Variants in PLEKHA6 observed in about 807,000 individuals in gnomAD.
PLEKHA6 encodes the protein pleckstrin homology domain-containing family A member 6.
PLEKHA6 carries 60 observed loss-of-function variants against 116.7 expected under a neutral mutation model. The ratio of observed to expected loss-of-function variants is 0.51; its 90% CI spans 0.42 to 0.64. The LOEUF (loss-of-function observed/expected upper bound fraction) is 0.64, where lower values mean the gene tolerates loss of function less well. Ranked by LOEUF, PLEKHA6 falls within the 30% of genes least tolerant of loss-of-function variation. The pLI, the probability that PLEKHA6 is intolerant of heterozygous loss-of-function variation, is 0.00. For missense variants in PLEKHA6, 1,338 were observed against 1,422.7 expected (o/e 0.94, Z 0.96); for synonymous variants, 489 against 556.1 (o/e 0.88, Z 1.70).
intron 1 of PLEKHA6, among the ~76,000 whole-genome samples, chr1:204,324,606 AGGGAT>A (rs1357554068): frequency 1.3e-4 from 20 of 152,248 alleles, no homozygotes; most frequent in African/African-American, 4.6e-4. Context: ...CTTATCTGAG[AGGGAT>A]ACAATTCAGA....
chr1:204,275,552 T>C lies in PLEKHA6; in HGVS notation c.-94-743A>G, dbSNP rs374944855. 1.3e-4 allele frequency: 28 copies of C among 221,938 alleles called. No individual in the cohort carries two copies. The South Asian group carries it at 4.2e-3, about 33-fold the overall frequency. The allele number at this position is 221,938 out of a possible 1,614,324, so 13.7% of individuals were successfully genotyped here. On this transcript the variant is annotated intron_variant, in intron 1 of 22. Transcript: ENST00000272203. ...AACCCAGGGGTTGGGGGGTGGGGGG[T>C]AGGTGCAGAGGCAGATGGGGAGCAG...
chr1:204,316,423 C>T (rs1368382726), intron 1 of PLEKHA6, among the ~76,000 whole-genome samples: 3 of 152,146 alleles, frequency 2.0e-5, no homozygotes, highest in East Asian at 1.9e-4. Context: ...AATAGGGACA[C>T]GGGAGAAATG....
intron 1 of PLEKHA6, among the ~76,000 whole-genome samples, chr1:204,353,056 G>GT (rs1302148877): frequency 6.6e-6 from 1 of 152,186 alleles, no homozygotes; most frequent in African/African-American, 2.4e-5. Context: ...GGAGCATGCA[G>GT]TAAGTATGTA....
intron 5 of PLEKHA6, among the ~76,000 whole-genome samples, chr1:204,265,881 G>A (rs1484558349): frequency 6.6e-6 from 1 of 152,202 alleles, no homozygotes; most frequent in African/African-American, 2.4e-5. Flanking sequence ...GATCTCCAAA[G>A]GAGCCTGATG....
chr1:204,220,481 A>AGT lies in PLEKHA6; in HGVS notation c.*2305_*2306dup. 2 of 152,784 alleles carry AGT rather than the reference A, an allele frequency of 1.3e-5. No individual in the cohort carries two copies. The highest frequency in any genetic ancestry group is 2.9e-5 in the Non-Finnish European group (2 of 68,038). The allele number at this position is 152,784 out of a possible 1,614,324, so 9.5% of individuals were successfully genotyped here. On this transcript the variant is annotated 3_prime_UTR_variant, in exon 23 of 23. Transcript: ENST00000272203. ...AGGCACAGGGTTGGGACCTAAAGGC[A>AGT]GTTACCCCATCTCCTCACCTCATTT... is the stretch of plus-strand genomic sequence containing the variant.
intron 1 of PLEKHA6, among the ~76,000 whole-genome samples, chr1:204,314,610 A>G (rs574444821): frequency 1.3e-5 from 2 of 152,222 alleles, no homozygotes; most frequent in African/African-American, 2.4e-5. Context: ...CTCAGGTGTC[A>G]GATGAGTATC....
chr1:204,261,530 G>T lies in PLEKHA6; in HGVS notation c.382-82C>A. ...TCACCTGTTGGGAGAAGACACCAAC[G>T]CCCACAGAATGGGCAGTCAGTTGGG... On this transcript the variant is annotated intron_variant, in intron 6 of 22. Transcript: ENST00000272203. This position sits in a 1 kb window ranked among gnomAD's most constrained non-coding sequence, Gnocchi z 4.0. 1.4e-6 allele frequency: 2 copies of T among 1,448,558 alleles called. No individual in the cohort carries two copies. The highest frequency in any genetic ancestry group is 1.4e-5 in the African/African-American group (1 of 70,454). The allele number at this position is 1,448,558 out of a possible 1,614,324, so 89.7% of individuals were successfully genotyped here. A position where few individuals can be genotyped will look rare whatever the true frequency, so the allele number is the denominator to read the frequency against.
At chr1:204,334,499 C>T (rs780587996) in intron 1 of PLEKHA6, among the ~76,000 whole-genome samples, 3 of 152,128 alleles carry the variant, frequency 2.0e-5, no homozygotes, top group Admixed American at 6.5e-5. Flanking sequence ...GGGTAAAATG[C>T]GATGGTTTGA....
chr1:204,263,304 C>T (rs1252887908), intron 6 of PLEKHA6, among the ~76,000 whole-genome samples: 1 of 152,216 alleles, frequency 6.6e-6, no homozygotes. Flanking sequence ...CGGGGCAAAG[C>T]CCCCGGAGCC....
chr1:204,348,795 C>G, intron 1 of PLEKHA6, among the ~76,000 whole-genome samples: 1 of 151,108 alleles, frequency 6.6e-6, no homozygotes, highest in Non-Finnish European at 1.5e-5. Flanking sequence ...TGCTGACTGT[C>G]ATCTCCATTG....
At chr1:204,268,449 T>C (rs751169000) in intron 3 of PLEKHA6, 137 bp from the exon 4 acceptor site, 102 of 446,694 alleles carry the variant, frequency 2.3e-4, no homozygotes, top group Non-Finnish European at 3.6e-4. Context: ...GGCCCAGGTG[T>C]GAATCTTGGA....
Position 204,237,809 on chromosome 1 carries a change from G to A in PLEKHA6, c.2409+3566C>T, listed in dbSNP as rs538511787. Reference sequence around the variant, plus strand: ...AAGACCTTGATCACTTTTTGCTTCCGCAAGATATCACACTGGTTCATTACA... The same window carrying A: ...AAGACCTTGATCACTTTTTGCTTCCACAAGATATCACACTGGTTCATTACA... On this transcript the variant is annotated intron_variant, in intron 17 of 22. Coordinates refer to ENST00000272203, the MANE Select transcript of PLEKHA6 (RefSeq NM_014935.5). 1.6e-4 allele frequency among the ~76,000 whole-genome samples: 24 copies of A among 152,274 alleles called. No individual in the cohort carries two copies. In the South Asian group the frequency reaches 3.1e-3, roughly 20 times the overall value.
At chr1:204,233,568 G>A (rs1045912332) in intron 17 of PLEKHA6, among the ~76,000 whole-genome samples, 11 of 152,084 alleles carry the variant, frequency 7.2e-5, no homozygotes, top group African/African-American at 2.7e-4. Flanking sequence ...GCCTCCCAAA[G>A]TGTTGGGATT....
chr1:204,347,522 C>T (rs544489697), intron 1 of PLEKHA6, among the ~76,000 whole-genome samples: 6 of 150,668 alleles, frequency 4.0e-5, no homozygotes, highest in South Asian at 2.1e-4. Context: ...CCTCGGCTTA[C>T]GAGATGACAG....
intron 1 of PLEKHA6, among the ~76,000 whole-genome samples, chr1:204,333,512 A>G (rs1019456102): frequency 3.9e-5 from 6 of 152,266 alleles, no homozygotes; most frequent in African/African-American, 1.4e-4. Context: ...GCAGCTTCAC[A>G]TAACCCAAAG....
chr1:204,340,646 TTG>T, intron 1 of PLEKHA6, among the ~76,000 whole-genome samples: 1 of 152,296 alleles, frequency 6.6e-6, no homozygotes, highest in Middle Eastern at 3.4e-3. Context: ...AGAGGTCTTT[TTG>T]TGTTCACTCG....
chr1:204,266,243 G>T (rs1666804160), intron 5 of PLEKHA6, among the ~76,000 whole-genome samples: 1 of 152,190 alleles, frequency 6.6e-6, no homozygotes, highest in Non-Finnish European at 1.5e-5. Flanking sequence ...GCTGCCTTCA[G>T]GAGAGCTGAG....
chr1:204,259,739 G>A lies in PLEKHA6; in HGVS notation c.526C>T (p.His176Tyr). ...KSVPQAVRHS[H>Y]EKPDSENVPP... ...ACGTTCTCCGAGTCTGGCTTCTCATGGCTGCAGGATGCCAAGGGAGATGCT... is the reference window on the plus strand; with the variant it reads ...ACGTTCTCCGAGTCTGGCTTCTCATAGCTGCAGGATGCCAAGGGAGATGCT... The change falls in exon 8 of 23, where the codon CAT (histidine) becomes TAT (tyrosine). Residue 176 changes from histidine (H) to tyrosine (Y), a missense_variant and splice_region_variant. Physicochemically the swap from His to Tyr is moderately conservative, Grantham distance 83. Around this residue, in one of 3 missense-constraint regions of PLEKHA6, gnomAD observed 140 missense variants for 197.4 expected, o/e 0.71. Transcript: ENST00000272203. This position sits in a 1 kb window ranked among gnomAD's most constrained non-coding sequence, Gnocchi z 4.6. 1 of 1,607,908 alleles carries A rather than the reference G, an allele frequency of 6.2e-7. No individual in the cohort carries two copies. The highest frequency in any genetic ancestry group is 1.1e-5 in the South Asian group (1 of 90,416).
In PLEKHA6 at chr1:204,221,546, G is replaced by C. The variant is rs1036969413; in HGVS notation, c.*1242C>G. On this transcript the variant is annotated 3_prime_UTR_variant, in exon 23 of 23. Coordinates refer to ENST00000272203, the MANE Select transcript of PLEKHA6 (RefSeq NM_014935.5). The stretch of plus-strand genomic sequence containing the variant: ...TCCTCGTCTGGGATGCCTGGGATAG[G>C]GGGATAGGCCTCCCAGATTAAGGCC... 8 of 152,568 alleles carry C rather than the reference G, an allele frequency of 5.2e-5. No individual in the cohort carries two copies. The highest frequency in any genetic ancestry group is 8.8e-5 in the Non-Finnish European group (6 of 68,036). The allele number at this position is 152,568 out of a possible 1,614,324, so 9.5% of individuals were successfully genotyped here.
Sources: gnomAD v4.1 joint callset for allele counts (sites outside exome capture counted in the v4.1 genomes callset) on GRCh38, gnomAD v4.1.1 for gene constraint, gnomAD v4.1.1 regional missense constraint, Gnocchi (gnomAD v3.1) non-coding constraint, MANE v1.5 for transcripts, NCBI Gene and HGNC (gene_info 2026-07-23, HGNC 2026-07-21) for gene names.